SLC7A14: variants seen among roughly 807,000 people sequenced by gnomAD.
SLC7A14 encodes the protein gamma-aminobutyric acid transporter SLC7A14.
A neutral mutation model predicts 60.2 loss-of-function variants in SLC7A14; 37 were observed. The observed-to-expected ratio is 0.61, with a 90% confidence interval of 0.47 to 0.81. SLC7A14 has a LOEUF of 0.81. Ranked by LOEUF, SLC7A14 falls within the 30% of genes least tolerant of loss-of-function variation. The pLI, the probability that SLC7A14 is intolerant of heterozygous loss-of-function variation, is 0.00. For missense variants in SLC7A14, 886 were observed against 982.7 expected, an observed-to-expected ratio of 0.90 and a Z score of 1.32; for synonymous variants, 399 against 395.8, an observed-to-expected ratio of 1.01 and a Z score of -0.10.
rs147231592 is a variant in SLC7A14, at chr3:170,480,577, C to A, written c.1705G>T (p.Val569Leu). ...AATGHTVTIC[V>L]LLLFILMFIF... ...AACATGAGGATGAAGAGCAGGAGCA[C>A]GCAGATGGTCACCGTGTGCCCCGTC... The change falls in exon 7 of 8, where the codon GTG (valine) becomes TTG (leucine). Residue 569 changes from valine to leucine, a missense_variant. By Grantham distance (32) the Val-to-Leu change is conservative. Coordinates refer to ENST00000231706, the MANE Select transcript of SLC7A14 (RefSeq NM_020949.3). The A allele has an allele frequency of 6.2e-7, 1 of 1,614,204 alleles. No individual in the cohort carries two copies. The highest frequency in any genetic ancestry group is 8.5e-7 in the Non-Finnish European group (1 of 1,180,042).
intron 2 of SLC7A14, among the ~76,000 whole-genome samples, chr3:170,525,041 C>T (rs1310067101): frequency 1.3e-5 from 2 of 152,228 alleles, no homozygotes; most frequent in Middle Eastern, 3.2e-3. Context: ...TAATGTAATG[C>T]TTTTCTTATG....
intron 7 of SLC7A14, among the ~76,000 whole-genome samples, chr3:170,467,722 C>T (rs1560245742): frequency 6.6e-6 from 1 of 152,132 alleles, no homozygotes; most frequent in Non-Finnish European, 1.5e-5. Context: ...TTACCTCAGT[C>T]CCCACCTCCC....
rs1044792016 is a variant in SLC7A14 at position 170,465,199 on chromosome 3, G to A, written c.*1856C>T. The A allele has an allele frequency of 3.3e-5, 5 of 152,240 alleles. No individual in the cohort carries two copies. The highest frequency in any genetic ancestry group is 3.4e-3 in the Middle Eastern group (1 of 294). 9.4% of individuals were successfully genotyped at this position (152,240 alleles called of 1,614,324 possible). A position where few individuals can be genotyped will look rare whatever the true frequency, so the allele number is the denominator to read the frequency against. On this transcript the variant is annotated 3_prime_UTR_variant, in exon 8 of 8. Coordinates refer to ENST00000231706, the MANE Select transcript of SLC7A14 (RefSeq NM_020949.3). Reference sequence around the variant, plus strand: ...AAATTGCAGTTATTTTAGTTTAATGGTATACATTGGCTATGATTACGATAT... The same window carrying A: ...AAATTGCAGTTATTTTAGTTTAATGATATACATTGGCTATGATTACGATAT...
Position 170,467,052 on chromosome 3 carries a change from C to G in SLC7A14, c.*3G>C. The stretch of plus-strand genomic sequence containing the variant: ...ACCATTTCTACCCACTTGTGTGTTT[C>G]TCCTACTCTGGAGAGTAATCTAACT... On this transcript the variant is annotated 3_prime_UTR_variant, in exon 8 of 8. Transcript: ENST00000231706. The G allele has an allele frequency of 6.3e-7, 1 of 1,592,434 alleles. No individual in the cohort carries two copies. The highest frequency in any genetic ancestry group is 8.6e-7 in the Non-Finnish European group (1 of 1,167,484).
At chr3:170,523,894 C>A (rs1396980820) in intron 2 of SLC7A14, among the ~76,000 whole-genome samples, 1 of 152,186 alleles carries the variant, frequency 6.6e-6, no homozygotes, top group Non-Finnish European at 1.5e-5. Context: ...GAGAGGCCTG[C>A]TTGAAGAAAC....
Position 170,569,622 on chromosome 3 carries a change from T to A in SLC7A14, c.-153+16289A>T, listed in dbSNP as rs192009587. Among the ~76,000 whole-genome samples, 1,092 of 152,348 alleles carry A rather than the reference T, an allele frequency of 7.2e-3. 12 individuals are homozygous for A. Among genetic ancestry groups the A allele is most frequent in the African/African-American group, 0.023 (965 of 41,578 alleles). ...TCCTTGTACCTCTGTAGAATTCGGC[T>A]GTGAATCCATCTGGTCCTGGTCTCT... On this transcript the variant is annotated intron_variant, in intron 1 of 7. Transcript: ENST00000231706.
chr3:170,550,561 G>T (rs1263164865), intron 1 of SLC7A14, among the ~76,000 whole-genome samples: 2 of 99,976 alleles, frequency 2.0e-5, no homozygotes, highest in Non-Finnish European at 3.6e-5. Context: ...CGCTTTTGTC[G>T]CCCAGGCTGG....
rs747085053 is a variant in SLC7A14 at position 170,526,658 on chromosome 3, A to G, written c.279T>C (p.Ile93=). 6.2e-7 allele frequency: 1 copy of G among 1,614,100 alleles called. No individual in the cohort carries two copies. Among genetic ancestry groups the G allele is most frequent in the East Asian group, 2.2e-5 (1 of 44,882 alleles). ...CTGATAATATGGATGCGACGGCTGC[A>G]ATGATGAAGGACACAATGACACCAG... is the stretch of plus-strand genomic sequence containing the variant. The part of the protein sequence containing the change: ...AGPGVIVSFI[I]AAVASILSGV... The change falls in exon 2 of 8, where the codon ATT becomes ATC. Residue 93 remains isoleucine, a synonymous_variant. Transcript: ENST00000231706.
At chr3:170,483,247 G>A in intron 6 of SLC7A14, 67 bp downstream of exon 6, 1 of 1,556,632 alleles carries the variant, frequency 6.4e-7, no homozygotes, top group Non-Finnish European at 8.8e-7. Flanking sequence ...CAGTCTGACA[G>A]TGGGTAGACA....
Position 170,501,144 on chromosome 3 carries a change from C to T in SLC7A14, c.506G>A (p.Trp169Ter). The T allele has an allele frequency of 2.5e-6, 4 of 1,614,252 alleles. No individual in the cohort carries two copies. The highest frequency in any genetic ancestry group is 3.4e-6 in the Non-Finnish European group (4 of 1,180,050). Residue 169 changes from tryptophan (W) to a stop codon, truncating the protein, a stop_gained, in exon 3 of 8, where the codon TGG becomes TAG. Transcript: ENST00000231706. LOFTEE classifies it high-confidence loss of function. ...DSLANHTISR[W>*]MADSVGTLNG... Reference sequence around the variant, plus strand: ...GAGGGTTCCCACGCTGTCCGCCATCCAGCGGCTGATGGTGTGGTTGGCTAG... The same window carrying T: ...GAGGGTTCCCACGCTGTCCGCCATCTAGCGGCTGATGGTGTGGTTGGCTAG...
chr3:170,475,618 C>G (rs536379628), intron 7 of SLC7A14, among the ~76,000 whole-genome samples: 1 of 152,292 alleles, frequency 6.6e-6, no homozygotes, highest in African/African-American at 2.4e-5. Context: ...CCCCTTAGAG[C>G]AGTGGCACGC....
At chr3:170,544,087 A>G (rs1714100055) in intron 1 of SLC7A14, among the ~76,000 whole-genome samples, 2 of 152,016 alleles carry the variant, frequency 1.3e-5, no homozygotes, top group Admixed American at 1.3e-4. Context: ...TATTTTAATA[A>G]ATAAGCCTCC....
At chr3:170,569,588 A>G (rs1476347720) in intron 1 of SLC7A14, among the ~76,000 whole-genome samples, 1 of 152,116 alleles carries the variant, frequency 6.6e-6, no homozygotes, top group African/African-American at 2.4e-5. Context: ...AAGGAATGGT[A>G]CCAGTTCCTC....
At chr3:170,487,106 A>ACCTAGTTGGTTATTCAACTG (rs1282194270) in intron 4 of SLC7A14, among the ~76,000 whole-genome samples, 2 of 142,400 alleles carry the variant, frequency 1.4e-5, no homozygotes, top group Admixed American at 7.5e-5. Flanking sequence ...GGCTTGAATA[A>ACCTAGTTGGTTATTCAACTG]CCTAGTTGGG....
At chr3:170,516,456 C>A (rs1275146182) in intron 2 of SLC7A14, among the ~76,000 whole-genome samples, 1 of 151,908 alleles carries the variant, frequency 6.6e-6, no homozygotes, top group East Asian at 1.9e-4. Flanking sequence ...GGCACAGTGG[C>A]TCACAGCTGT....
intron 4 of SLC7A14, among the ~76,000 whole-genome samples, chr3:170,494,531 G>A (rs1278391066): frequency 1.3e-5 from 2 of 152,178 alleles, no homozygotes; most frequent in African/African-American, 4.8e-5. Flanking sequence ...AAGGCTAAAG[G>A]CAACGCTAAA....
At chr3:170,486,793 A>G (rs1712047885) in intron 4 of SLC7A14, among the ~76,000 whole-genome samples, 1 of 149,434 alleles carries the variant, frequency 6.7e-6, no homozygotes, top group African/African-American at 2.5e-5. Context: ...AATTGCTTGA[A>G]CCCAGGAGGC....
chr3:170,549,920 G>A (rs1257579131), intron 1 of SLC7A14, among the ~76,000 whole-genome samples: 1 of 152,202 alleles, frequency 6.6e-6, no homozygotes, highest in Non-Finnish European at 1.5e-5. Context: ...AGGTCTGATG[G>A]GTGAAAGCTT....
At position 170,585,493 on chromosome 3, in the gene SLC7A14, G is replaced by A. The variant is rs1461368160; in HGVS notation, c.-153+418C>T. ...GCGGAGAACGGAGCTGCCCGTGCGG[G>A]GTGCGCGCCAAGGCGGGGGACAGGA... On this transcript the variant is annotated intron_variant, in intron 1 of 7. Coordinates refer to ENST00000231706, the MANE Select transcript of SLC7A14 (RefSeq NM_020949.3). The surrounding 1 kb of genome is among the most constrained non-coding windows in gnomAD (Gnocchi z 5.1). 1.3e-5 allele frequency among the ~76,000 whole-genome samples: 2 copies of A among 152,332 alleles called. No homozygotes were observed. Among genetic ancestry groups the A allele is most frequent in the African/African-American group, 4.8e-5 (2 of 41,592 alleles).
Sources: gnomAD v4.1 joint callset for allele counts (sites outside exome capture counted in the v4.1 genomes callset) on GRCh38, gnomAD v4.1.1 for gene constraint, Gnocchi (gnomAD v3.1) non-coding constraint, MANE v1.5 for transcripts, NCBI Gene and HGNC (gene_info 2026-07-23, HGNC 2026-07-21) for gene names.